The following CHST9 variants were observed in gnomAD, a reference collection of about 807,000 sequenced individuals.
CHST9 encodes the protein carbohydrate sulfotransferase 9.
A neutral mutation model predicts 44.4 loss-of-function variants in CHST9; 41 were observed. The ratio of observed to expected loss-of-function variants is 0.92; its 90% CI spans 0.72 to 1.20. CHST9 has a LOEUF of 1.20. Ranked by LOEUF, CHST9 falls within the 50% of genes most tolerant of loss-of-function variation. The pLI, the probability that CHST9 is intolerant of heterozygous loss-of-function variation, is 0.00. For synonymous variants in CHST9, 171 were observed against 178.4 expected, an observed-to-expected ratio of 0.96 and a Z score of 0.33; for missense variants, 504 against 516.5, an observed-to-expected ratio of 0.98 and a Z score of 0.23.
intron 1 of CHST9, among the ~76,000 whole-genome samples, chr18:27,143,527 A>AT (rs1430179193): frequency 6.6e-6 from 1 of 152,062 alleles, no homozygotes; most frequent in Non-Finnish European, 1.5e-5. Flanking sequence ...GAGCTATTTT[A>AT]TTTTTTTAAA....
chr18:27,066,446 T>C (rs1212274777), intron 2 of CHST9, among the ~76,000 whole-genome samples: 1 of 152,234 alleles, frequency 6.6e-6, no homozygotes, highest in African/African-American at 2.4e-5. Flanking sequence ...TAAAAATAAC[T>C]ATGATTCTGT....
intron 2 of CHST9, among the ~76,000 whole-genome samples, chr18:27,079,074 A>C (rs2057936043): frequency 6.6e-6 from 1 of 152,132 alleles, no homozygotes; most frequent in Non-Finnish European, 1.5e-5. Flanking sequence ...TGTGGCAATG[A>C]GTGGGCGTAC....
intron 2 of CHST9, among the ~76,000 whole-genome samples, chr18:27,092,172 G>A (rs1033676952): frequency 2.0e-5 from 3 of 152,166 alleles, no homozygotes; most frequent in Admixed American, 6.5e-5. Flanking sequence ...TTAGTCTTGG[G>A]AGGGTGTATG....
At chr18:27,160,382 T>C (rs544646861) in intron 1 of CHST9, among the ~76,000 whole-genome samples, 1 of 152,262 alleles carries the variant, frequency 6.6e-6, no homozygotes, top group East Asian at 1.9e-4. Flanking sequence ...TGGTTTTTGT[T>C]GTTGGTTCTG....
intron 2 of CHST9, among the ~76,000 whole-genome samples, chr18:27,066,763 T>C (rs931301861): frequency 1.7e-4 from 26 of 152,346 alleles, no homozygotes; most frequent in East Asian, 1.2e-3. Context: ...TACTTCACTA[T>C]ATAACCTAAA....
intron 4 of CHST9, among the ~76,000 whole-genome samples, chr18:26,983,058 C>G (rs1411092573): frequency 1.3e-5 from 2 of 152,064 alleles, no homozygotes; most frequent in Non-Finnish European, 2.9e-5. Context: ...TAAATATTAG[C>G]CGGGCTAAGA....
chr18:27,138,849 CTTCTGAATG>C (rs900876238), intron 2 of CHST9, among the ~76,000 whole-genome samples: 1 of 151,692 alleles, frequency 6.6e-6, no homozygotes, highest in Non-Finnish European at 1.5e-5. Context: ...TTTCAAGATC[CTTCTGAATG>C]AAAAACTTGT....
At chr18:26,960,251 A>C (rs1451841291) in intron 4 of CHST9, among the ~76,000 whole-genome samples, 2 of 152,198 alleles carry the variant, frequency 1.3e-5, no homozygotes, top group Non-Finnish European at 2.9e-5. Flanking sequence ...AGGGAAATAA[A>C]TATCAAGATT....
intron 2 of CHST9, among the ~76,000 whole-genome samples, chr18:27,103,169 A>G (rs1203202063): frequency 6.6e-6 from 1 of 152,224 alleles, no homozygotes; most frequent in Non-Finnish European, 1.5e-5. Flanking sequence ...TTTTATTGTT[A>G]AAATGAGTAA....
At chr18:27,076,970 T>C (rs1382704612) in intron 2 of CHST9, among the ~76,000 whole-genome samples, 2 of 152,198 alleles carry the variant, frequency 1.3e-5, no homozygotes, top group Admixed American at 6.5e-5. Context: ...ATACAAGGCA[T>C]AACTGCAAAA....
intron 2 of CHST9, among the ~76,000 whole-genome samples, chr18:27,101,251 A>T (rs2058168039): frequency 6.6e-6 from 1 of 152,168 alleles, no homozygotes; most frequent in Non-Finnish European, 1.5e-5. Flanking sequence ...AGAGGTAAAA[A>T]ATATATATAA....
intron 2 of CHST9, among the ~76,000 whole-genome samples, chr18:27,062,708 T>C (rs1264365024): frequency 6.6e-6 from 1 of 152,210 alleles, no homozygotes; most frequent in Non-Finnish European, 1.5e-5. Flanking sequence ...ATGGTATTTC[T>C]AGTTCTAGAT....
At chr18:26,977,744 G>A (rs1375509531) in intron 4 of CHST9, among the ~76,000 whole-genome samples, 3 of 152,058 alleles carry the variant, frequency 2.0e-5, no homozygotes, top group Admixed American at 6.5e-5. Flanking sequence ...CTTTCATTAG[G>A]TCAGGGATAT....
intron 1 of CHST9, among the ~76,000 whole-genome samples, chr18:27,176,053 TG>T (rs1167038502): frequency 3.3e-5 from 5 of 151,762 alleles, no homozygotes; most frequent in Non-Finnish European, 7.4e-5. Flanking sequence ...TTTTAGGGGA[TG>T]GGGGGATGGG....
chr18:27,147,861 CTTTTTTTTTTT>C (rs199868717), intron 1 of CHST9: 1 of 140,112 alleles, frequency 7.1e-6, no homozygotes, highest in Non-Finnish European at 1.6e-5. Flanking sequence ...TATACTATTT[CTTTTTTTTTTT>C]TTTTTACTTT....
chr18:27,021,638 C>T (rs1280681452), intron 4 of CHST9, among the ~76,000 whole-genome samples: 1 of 152,168 alleles, frequency 6.6e-6, no homozygotes, highest in African/African-American at 2.4e-5. Context: ...TTCCATGTCT[C>T]TTTCTTGTCT....
chr18:27,000,895 C>G (rs568529153), intron 4 of CHST9, among the ~76,000 whole-genome samples: 2 of 152,084 alleles, frequency 1.3e-5, no homozygotes, highest in East Asian at 1.9e-4. Context: ...CAAGATTCAC[C>G]CCCCCATCTC....
At chr18:26,925,305 T>C (rs1397539718) in intron 5 of CHST9, among the ~76,000 whole-genome samples, 1 of 111,850 alleles carries the variant, frequency 8.9e-6, no homozygotes, top group Non-Finnish European at 2.0e-5. Flanking sequence ...GTTAATAGAC[T>C]AGGGGGCATG....
Position 26,944,381 on chromosome 18 carries a change from A to C in CHST9, c.203-15T>G, listed in dbSNP as rs777079232. 6.3e-7 allele frequency: 1 copy of C among 1,591,936 alleles called. No individual in the cohort carries two copies. Among genetic ancestry groups the C allele is most frequent in the East Asian group, 2.2e-5 (1 of 44,762 alleles). On this transcript the variant is annotated splice_polypyrimidine_tract_variant and intron_variant, in intron 4 of 5. Coordinates refer to ENST00000618847, the MANE Select transcript of CHST9 (RefSeq NM_031422.6). Reference sequence around the variant, plus strand: ...TTCTGTACTCACTGAAAGAGAAAGCAAAAAGAATTTTTACATTAAAGCATG... The same window carrying C: ...TTCTGTACTCACTGAAAGAGAAAGCCAAAAGAATTTTTACATTAAAGCATG...
Sources: allele counts gnomAD v4.1 joint callset (sites outside exome capture counted in the v4.1 genomes callset), GRCh38; gene constraint gnomAD v4.1.1; transcripts MANE v1.5; gene names NCBI Gene and HGNC (gene_info 2026-07-23, HGNC 2026-07-21).